The following MIER1 variants were observed in gnomAD, a reference collection of about 807,000 sequenced individuals.
The protein encoded by MIER1 is MIER1 transcriptional regulator.
Under a neutral mutation model 75.7 loss-of-function variants are expected in MIER1, and 40 were observed. That is an observed-to-expected ratio of 0.53 (90% CI 0.41 to 0.69). MIER1 has a LOEUF of 0.69. Ranked by LOEUF, MIER1 falls within the 30% of genes least tolerant of loss-of-function variation. MIER1 has a pLI of 0.00. For synonymous variants in MIER1, 213 were observed against 223.4 expected, an observed-to-expected ratio of 0.95 and a Z score of 0.42; for missense variants, 574 against 680.2, an observed-to-expected ratio of 0.84 and a Z score of 1.74.
intron 8 of MIER1, among the ~76,000 whole-genome samples, chr1:66,965,041 C>T (rs1240267845): frequency 6.6e-6 from 1 of 152,162 alleles, no homozygotes; most frequent in African/African-American, 2.4e-5. Context: ...TTTAATACAT[C>T]ATTTAAATGT....
intron 4 of MIER1, among the ~76,000 whole-genome samples, chr1:66,952,819 A>AT (rs899361727): frequency 1.3e-5 from 2 of 151,466 alleles, no homozygotes; most frequent in African/African-American, 2.4e-5. Flanking sequence ...TTCTTTTTGT[A>AT]TTTTTTACAT....
chr1:66,959,086 A>C, intron 6 of MIER1, 103 bp downstream of exon 6: 1 of 960,418 alleles, frequency 1.0e-6, no homozygotes, highest in Non-Finnish European at 1.6e-6. Context: ...TTTAGTCTGA[A>C]ATTCTTTTCA....
In MIER1 at chr1:66,925,558, T is replaced by C. The variant is rs1651439255; in HGVS notation, c.67+463T>C. 5 of 985,392 alleles carry C rather than the reference T, an allele frequency of 5.1e-6. No individual in the cohort carries two copies. In the South Asian group the frequency reaches 1.9e-4, roughly 37 times the overall value. 61.0% of individuals were successfully genotyped at this position (985,392 alleles called of 1,614,324 possible). On this transcript the variant is annotated intron_variant, in intron 1 of 13. Coordinates refer to ENST00000401041, the MANE Select transcript of MIER1 (RefSeq NM_001077700.3). ...TGGTGAGCAGCGCCCTGGGCCAACTTGCCCTTTTCGGATGGAGTCAGGGAG... is the reference window on the plus strand; with the variant it reads ...TGGTGAGCAGCGCCCTGGGCCAACTCGCCCTTTTCGGATGGAGTCAGGGAG...
At chr1:66,976,129 G>T (rs1022005907) in intron 11 of MIER1, among the ~76,000 whole-genome samples, 1 of 151,272 alleles carries the variant, frequency 6.6e-6, no homozygotes, top group South Asian at 2.1e-4. Context: ...TCAGCCTCCC[G>T]AGTAGCTGGG....
rs1287765027 is a variant in MIER1 at position 66,986,335 on chromosome 1, A to G, written c.*1435A>G. ...TTCTTGTTAAATAATGTAGTTTTAT[A>G]TAGCTGATAGACCAACCTATATCCA... is the stretch of plus-strand genomic sequence containing the variant. On this transcript the variant is annotated 3_prime_UTR_variant, in exon 14 of 14. Transcript: ENST00000401041. 2.2e-5 allele frequency: 34 copies of G among 1,562,776 alleles called. No individual in the cohort carries two copies. Among genetic ancestry groups the G allele is most frequent in the Non-Finnish European group, 2.8e-5 (33 of 1,161,870 alleles).
At chr1:66,925,186 T>C (rs1189313860) in intron 1 of MIER1, 91 bp downstream of exon 1, 1 of 1,464,560 alleles carries the variant, frequency 6.8e-7, no homozygotes, top group Non-Finnish European at 9.0e-7. Flanking sequence ...TTTCTCTCCT[T>C]CCCCTCCCCC....
chr1:66,973,276 T>C (rs575205729), intron 11 of MIER1, among the ~76,000 whole-genome samples: 2 of 152,210 alleles, frequency 1.3e-5, no homozygotes, highest in Admixed American at 1.3e-4. Context: ...GCAATGCAAT[T>C]CTTTATAGCT....
At chr1:66,959,010 G>T (rs1660713742) in intron 6 of MIER1, 27 bp downstream of exon 6, 1 of 1,592,596 alleles carries the variant, frequency 6.3e-7, no homozygotes, top group South Asian at 1.1e-5. Context: ...GATAATATTT[G>T]AATATAATTT....
chr1:66,932,837 C>T (rs1452753653), intron 2 of MIER1: 1 of 151,920 alleles, frequency 6.6e-6, no homozygotes, highest in Non-Finnish European at 1.5e-5. Flanking sequence ...TATTATGCTT[C>T]TGGGCTTTTA....
At chr1:66,983,324 C>T (rs1376750016) in intron 13 of MIER1, among the ~76,000 whole-genome samples, 1 of 152,200 alleles carries the variant, frequency 6.6e-6, no homozygotes, top group Non-Finnish European at 1.5e-5. Flanking sequence ...TATTATGATG[C>T]ATAATCCCCA....
rs1188554635 is a variant in MIER1 at position 66,926,203 on chromosome 1, C to T, written c.129C>T (p.Asn43=). Residue 43 remains asparagine, a synonymous_variant, in exon 2 of 14, where the codon AAC becomes AAT. Transcript: ENST00000401041. ...AGTTTCGGACGTGGTTAAGAACCAA[C>T]TGGTTGAGGTTCAATGCAGACAAGA... ...LAEFRTWLRT[N]WLRFNADKTD... 6.2e-7 allele frequency: 1 copy of T among 1,613,698 alleles called. No individual in the cohort carries two copies. Among genetic ancestry groups the T allele is most frequent in the Non-Finnish European group, 8.5e-7 (1 of 1,179,804 alleles).
chr1:66,972,005 C>G (rs1663705670), intron 10 of MIER1, among the ~76,000 whole-genome samples: 1 of 150,808 alleles, frequency 6.6e-6, no homozygotes, highest in South Asian at 2.1e-4. Context: ...TAAATATTTT[C>G]TTATTTGATC....
At chr1:66,968,865 A>G (rs1007581284) in intron 8 of MIER1, among the ~76,000 whole-genome samples, 1 of 152,180 alleles carries the variant, frequency 6.6e-6, no homozygotes, top group African/African-American at 2.4e-5. Context: ...TCCTTGCCCC[A>G]TAGGCACTTA....
chr1:66,969,934 A>G (rs74079118), intron 8 of MIER1, among the ~76,000 whole-genome samples: 184 of 152,330 alleles, frequency 1.2e-3, no homozygotes, highest in African/African-American at 3.3e-3. Context: ...AAGCTGGCAT[A>G]ACCTTTTTCA....
chr1:66,963,271 G>T (rs534797277), intron 8 of MIER1, 111 bp downstream of exon 8: 6 of 661,320 alleles, frequency 9.1e-6, no homozygotes, highest in Middle Eastern at 3.4e-4. Flanking sequence ...TAACCCCATT[G>T]TAACCCCATT....
chr1:66,954,305 G>A (rs1368652788), intron 4 of MIER1, among the ~76,000 whole-genome samples: 1 of 152,144 alleles, frequency 6.6e-6, no homozygotes, highest in African/African-American at 2.4e-5. Context: ...TATTCAGTAC[G>A]CTCAAATTGA....
chr1:66,947,119 A>G, intron 4 of MIER1: 3 of 461,514 alleles, frequency 6.5e-6, no homozygotes, highest in Non-Finnish European at 8.5e-6. Context: ...GGCATACTGA[A>G]TCAGAATCTC....
intron 12 of MIER1, among the ~76,000 whole-genome samples, chr1:66,979,631 TCCTG>T (rs1665493165): frequency 2.0e-5 from 3 of 152,344 alleles, no homozygotes; most frequent in African/African-American, 7.2e-5. Context: ...TTCTGCCCTT[TCCTG>T]AATATTCTGG....
chr1:66,987,047 A>G lies in MIER1; in HGVS notation c.*2147A>G, dbSNP rs539173367. ...ACAGAAATGTTTTAAATACATTCTC[A>G]GGCATGTTTGCAAAAATATGGCACA... On this transcript the variant is annotated 3_prime_UTR_variant, in exon 14 of 14. Coordinates refer to ENST00000401041, the MANE Select transcript of MIER1 (RefSeq NM_001077700.3). 6.6e-6 allele frequency: 1 copy of G among 152,454 alleles called. No individual in the cohort carries two copies. The highest frequency in any genetic ancestry group is 1.5e-5 in the Non-Finnish European group (1 of 67,990). The allele number at this position is 152,454 out of a possible 1,614,324, so 9.4% of individuals were successfully genotyped here.
Sources: allele counts gnomAD v4.1 joint callset (sites outside exome capture counted in the v4.1 genomes callset), GRCh38; gene constraint gnomAD v4.1.1; transcripts MANE v1.5; gene names NCBI Gene and HGNC (gene_info 2026-07-23, HGNC 2026-07-21).